CHSY3: variants seen among roughly 807,000 people sequenced by gnomAD.
The protein encoded by CHSY3 is chondroitin sulfate synthase 3.
A neutral mutation model predicts 67.2 loss-of-function variants in CHSY3; 35 were observed. That is an observed-to-expected ratio of 0.52 (90% CI 0.40 to 0.69). The LOEUF (loss-of-function observed/expected upper bound fraction) is 0.69. Among genes scored for constraint, CHSY3 ranks in the 30% least tolerant of loss-of-function variants. CHSY3 has a pLI of 0.00. For missense variants in CHSY3, 1,069 were observed against 1,138.5 expected (o/e 0.94, Z 0.88); for synonymous variants, 474 against 434.7 (o/e 1.09, Z -1.12).
intron 2 of CHSY3, among the ~76,000 whole-genome samples, chr5:129,998,384 A>G (rs891268023): frequency 6.6e-6 from 1 of 152,232 alleles, no homozygotes; most frequent in African/African-American, 2.4e-5. Flanking sequence ...GTAGTGATTA[A>G]TCTACTGATG....
At chr5:130,033,250 C>G (rs1002877773) in intron 2 of CHSY3, among the ~76,000 whole-genome samples, 3 of 152,140 alleles carry the variant, frequency 2.0e-5, no homozygotes, top group Non-Finnish European at 2.9e-5. Context: ...TAGTTACAGT[C>G]TAGTGTAATC....
At chr5:130,031,836 C>A (rs1764711263) in intron 2 of CHSY3, among the ~76,000 whole-genome samples, 1 of 152,090 alleles carries the variant, frequency 6.6e-6, no homozygotes, top group Admixed American at 6.5e-5. Context: ...ATGTAAAAAT[C>A]TATTTTCAGT....
At chr5:129,956,670 C>T (rs1386959435) in intron 2 of CHSY3, among the ~76,000 whole-genome samples, 1 of 151,818 alleles carries the variant, frequency 6.6e-6, no homozygotes, top group African/African-American at 2.4e-5. Context: ...CAGTTTTAGT[C>T]TTCTGCATAT....
intron 2 of CHSY3, among the ~76,000 whole-genome samples, chr5:130,066,321 A>C (rs1765884544): frequency 6.6e-6 from 1 of 152,124 alleles, no homozygotes; most frequent in African/African-American, 2.4e-5. Flanking sequence ...ATAATACCGC[A>C]TGATGAATCC....
chr5:129,965,996 G>A (rs977647250), intron 2 of CHSY3, among the ~76,000 whole-genome samples: 1 of 151,794 alleles, frequency 6.6e-6, no homozygotes, highest in African/African-American at 2.4e-5. Context: ...TTTTGGTGAG[G>A]GGAGCTCTGT....
chr5:130,036,621 G>T (rs963069748), intron 2 of CHSY3, among the ~76,000 whole-genome samples: 2 of 152,114 alleles, frequency 1.3e-5, no homozygotes, highest in African/African-American at 4.8e-5. Flanking sequence ...ACAGATCTGG[G>T]CTCCAATCCT....
rs1202712083 is a variant in CHSY3 at position 129,972,669 on chromosome 5, A to G, written c.1086+64309A>G. Among the ~76,000 whole-genome samples the G allele has an allele frequency of 5.9e-5, 9 of 151,692 alleles. No homozygotes were observed. The South Asian group carries it at 1.7e-3, about 28-fold the overall frequency. On this transcript the variant is annotated intron_variant, in intron 2 of 2. Coordinates refer to ENST00000305031, the MANE Select transcript of CHSY3 (RefSeq NM_175856.5). ...TCATGAATATGGAAAAATGCTCTGC[A>G]ACTGAACCCTTAAGGTTAACTCCCC...
At chr5:130,095,738 A>T (rs1767021278) in intron 2 of CHSY3, among the ~76,000 whole-genome samples, 1 of 152,258 alleles carries the variant, frequency 6.6e-6, no homozygotes, top group African/African-American at 2.4e-5. Context: ...CAAAAACAGG[A>T]TATTTGCATA....
intron 2 of CHSY3, among the ~76,000 whole-genome samples, chr5:129,999,802 T>G (rs940205457): frequency 1.3e-5 from 2 of 152,138 alleles, no homozygotes; most frequent in African/African-American, 2.4e-5. Context: ...TACATAATAT[T>G]TTAATTTAAA....
In CHSY3 at chr5:129,999,097, T is replaced by A. The variant is rs181325716; in HGVS notation, c.1086+90737T>A. Among the ~76,000 whole-genome samples, 6 of 149,768 alleles carry A rather than the reference T, an allele frequency of 4.0e-5. No homozygotes were observed. The East Asian group carries it at 1.2e-3, about 30-fold the overall frequency. On this transcript the variant is annotated intron_variant, in intron 2 of 2. Coordinates refer to ENST00000305031, the MANE Select transcript of CHSY3 (RefSeq NM_175856.5). The stretch of plus-strand genomic sequence containing the variant: ...ATCTGGAATTATTTTTTTGGAAGAG[T>A]GAAATACAGATCTAGCTCCCCCCTC...
intron 2 of CHSY3, among the ~76,000 whole-genome samples, chr5:130,098,412 A>G (rs1347059171): frequency 6.6e-6 from 1 of 152,168 alleles, no homozygotes; most frequent in African/African-American, 2.4e-5. Flanking sequence ...GAGCTGGTGC[A>G]CTTGGTTTGG....
intron 2 of CHSY3, among the ~76,000 whole-genome samples, chr5:129,920,967 C>A (rs1488115381): frequency 6.6e-6 from 1 of 152,152 alleles, no homozygotes; most frequent in Non-Finnish European, 1.5e-5. Flanking sequence ...TGCAGGCATG[C>A]ACCGCCATGC....
chr5:130,150,957 C>A (rs1278635838), intron 2 of CHSY3, among the ~76,000 whole-genome samples: 1 of 152,132 alleles, frequency 6.6e-6, no homozygotes, highest in Non-Finnish European at 1.5e-5. Flanking sequence ...GTCTGCCTGT[C>A]CATTCCCTTT....
intron 2 of CHSY3, among the ~76,000 whole-genome samples, chr5:129,997,757 G>A (rs1763588315): frequency 6.6e-6 from 1 of 152,088 alleles, no homozygotes; most frequent in African/African-American, 2.4e-5. Context: ...AACATGCGGT[G>A]TTTGATTTTC....
chr5:130,045,957 G>A (rs1474267049), intron 2 of CHSY3, among the ~76,000 whole-genome samples: 2 of 151,956 alleles, frequency 1.3e-5, no homozygotes, highest in Non-Finnish European at 2.9e-5. Context: ...GCTGAACTCT[G>A]GAAACCCTTG....
intron 2 of CHSY3, among the ~76,000 whole-genome samples, chr5:129,953,185 T>C (rs1310440069): frequency 6.6e-6 from 1 of 152,052 alleles, no homozygotes; most frequent in Non-Finnish European, 1.5e-5. Flanking sequence ...TGTGTCCATG[T>C]GTTCTTATTG....
At chr5:130,183,817 A>T (rs368736663) in intron 2 of CHSY3, among the ~76,000 whole-genome samples, 48 of 152,088 alleles carry the variant, frequency 3.2e-4, no homozygotes, top group East Asian at 1.5e-3. Context: ...GGAGGAATAA[A>T]TTCAAGTGAT....
At chr5:130,116,664 AC>A (rs1376163990) in intron 2 of CHSY3, among the ~76,000 whole-genome samples, 6 of 152,112 alleles carry the variant, frequency 3.9e-5, no homozygotes, top group Admixed American at 2.0e-4. Flanking sequence ...AGAGTTCACT[AC>A]TTGTATGGAT....
intron 2 of CHSY3, among the ~76,000 whole-genome samples, chr5:129,998,065 G>A (rs894117360): frequency 2.0e-5 from 3 of 152,086 alleles, no homozygotes; most frequent in Non-Finnish European, 2.9e-5. Flanking sequence ...TCTAGTTCTA[G>A]ATCCTTGAGG....
Sources: gnomAD v4.1 joint callset for allele counts (sites outside exome capture counted in the v4.1 genomes callset) on GRCh38, gnomAD v4.1.1 for gene constraint, MANE v1.5 for transcripts, NCBI Gene and HGNC (gene_info 2026-07-23, HGNC 2026-07-21) for gene names.